The following CHRNA3 variants were observed in gnomAD, a reference collection of about 807,000 sequenced individuals.
CHRNA3 encodes the protein cholinergic receptor nicotinic alpha 3 subunit, also known as neuronal acetylcholine receptor subunit alpha-3.
CHRNA3 carries 34 observed loss-of-function variants against 41.9 expected under a neutral mutation model. The ratio of observed to expected loss-of-function variants is 0.81; its 90% CI spans 0.62 to 1.08. CHRNA3 has a LOEUF of 1.08. Ranked by LOEUF, CHRNA3 falls within the 50% of genes least tolerant of loss-of-function variation. The probability of loss-of-function intolerance (pLI) is 0.00; values close to 1 mark genes in which losing one functional copy is unlikely to be tolerated. For missense variants in CHRNA3, 542 were observed against 638.3 expected (o/e 0.85, Z 1.63); for synonymous variants, 281 against 265.2 (o/e 1.06, Z -0.58).
rs183884499 is a variant in CHRNA3, at chr15:78,613,807, G to A, written c.377+3217C>T. Among the ~76,000 whole-genome samples the A allele has an allele frequency of 3.6e-3, 552 of 151,236 alleles. 4 individuals carry two copies. The highest frequency in any genetic ancestry group is 0.012 in the African/African-American group (497 of 41,240). On this transcript the variant is annotated intron_variant, in intron 4 of 5. Coordinates refer to ENST00000326828, the MANE Select transcript of CHRNA3 (RefSeq NM_000743.5). ...AAAACCACAAAAAAATTAGCCAGGC[G>A]TGGTGGCGGGCGCCTGTAGTCCCAG...
downstream of CHRNA3, chr15:78,595,239 T>TATG: frequency 1.0e-6 from 1 of 959,108 alleles, no homozygotes. Context: ...TACTGTTACT[T>TATG]ATGATTTTTA....
Position 78,595,369 on chromosome 15 carries a change from C to CTCTA in CHRNA3, c.*1234_*1235insTAGA. 1.0e-6 allele frequency: 1 copy of CTCTA among 977,546 alleles called. No homozygotes were observed. Among genetic ancestry groups the CTCTA allele is most frequent in the Non-Finnish European group, 1.2e-6 (1 of 828,636 alleles). The allele number at this position is 977,546 out of a possible 1,614,324, so 60.6% of individuals were successfully genotyped here. A position where few individuals can be genotyped will look rare whatever the true frequency, so the allele number is the denominator to read the frequency against. On this transcript the variant is annotated 3_prime_UTR_variant, in exon 6 of 6. Transcript: ENST00000326828. ...ACTAGTGAGACAAGATTCAAACAGT[C>CTCTA]TCTGTGAATCATCTGTCAGTGGTGA...
intron 3 of CHRNA3, 97 bp from the exon 4 acceptor site, chr15:78,617,230 T>C: frequency 1.4e-6 from 1 of 727,304 alleles, no homozygotes; most frequent in Non-Finnish European, 2.4e-6. Context: ...TCCCCACCCC[T>C]GCTGCATGTG....
At chr15:78,614,264 T>C (rs866373575) in intron 4 of CHRNA3, among the ~76,000 whole-genome samples, 5 of 152,212 alleles carry the variant, frequency 3.3e-5, no homozygotes, top group South Asian at 2.1e-4. Context: ...TTCTTAATTG[T>C]AGCTTAGCAA....
At chr15:78,617,260 A>C in intron 3 of CHRNA3, 127 bp from the exon 4 acceptor site, 2 of 644,732 alleles carry the variant, frequency 3.1e-6, no homozygotes, top group East Asian at 5.4e-5. Context: ...CATCCATGCC[A>C]TGATCACATA....
intron 5 of CHRNA3, 116 bp from the exon 6 acceptor site, chr15:78,596,848 G>C: frequency 7.2e-7 from 1 of 1,397,686 alleles, no homozygotes; most frequent in Non-Finnish European, 9.3e-7. Context: ...TCTCTAATAT[G>C]TAAGAAGCCC....
chr15:78,603,038 T>C (rs1198332514), intron 4 of CHRNA3, among the ~76,000 whole-genome samples: 1 of 152,210 alleles, frequency 6.6e-6, no homozygotes, highest in Non-Finnish European at 1.5e-5. Context: ...TTTTTCTTTT[T>C]CTTTGAGACA....
At chr15:78,610,406 T>G (rs1033399068) in intron 4 of CHRNA3, among the ~76,000 whole-genome samples, 3 of 152,054 alleles carry the variant, frequency 2.0e-5, no homozygotes, top group Non-Finnish European at 2.9e-5. Context: ...AAACTAGAAC[T>G]CAGGATTAAG....
chr15:78,615,991 C>T (rs1301373042), intron 4 of CHRNA3, among the ~76,000 whole-genome samples: 1 of 150,914 alleles, frequency 6.6e-6, no homozygotes, highest in Non-Finnish European at 1.5e-5. Context: ...ATCCTCCTGC[C>T]TCGGCCTCCC....
chr15:78,619,120 C>T (rs1403124205), intron 1 of CHRNA3: 4 of 609,522 alleles, frequency 6.6e-6, no homozygotes, highest in Admixed American at 3.0e-5. Context: ...CCTGGCCACA[C>T]GCATTCAGTG....
rs138321166 is a variant in CHRNA3 at position 78,604,784 on chromosome 15, G to A, written c.378-2520C>T. 9.0e-3 allele frequency among the ~76,000 whole-genome samples: 1,363 copies of A among 152,166 alleles called. 22 individuals are homozygous for A. Among genetic ancestry groups the A allele is most frequent in the African/African-American group, 0.031 (1,280 of 41,524 alleles). Reference sequence around the variant, plus strand: ...TACTAATACTTTGGGAGGCTGAGGCGGGCAGATCACCTGAGGTCAGCAGTT... The same window carrying A: ...TACTAATACTTTGGGAGGCTGAGGCAGGCAGATCACCTGAGGTCAGCAGTT... On this transcript the variant is annotated intron_variant, in intron 4 of 5. Coordinates refer to ENST00000326828, the MANE Select transcript of CHRNA3 (RefSeq NM_000743.5).
chr15:78,601,892 G>GA lies in CHRNA3; in HGVS notation c.749dup (p.Cys252LeufsTer20), dbSNP rs1226938545. The GA allele has an allele frequency of 6.2e-7, 1 of 1,614,136 alleles. No individual in the cohort carries two copies. The stretch of plus-strand genomic sequence containing the variant: ...TGAGGAAGGAGATGAGCAGGCAGGG[G>GA]ATGATGAGGTTGATGGTGTAGAACA... On this transcript the variant is annotated frameshift_variant, in exon 5 of 6. Transcript: ENST00000326828. LOFTEE classifies it high-confidence loss of function.
chr15:78,593,445 G>T, downstream of CHRNA3: 1 of 453,440 alleles, frequency 2.2e-6, no homozygotes, highest in Non-Finnish European at 3.7e-6. Context: ...TAACTGATGA[G>T]ATACATTTGA....
intron 5 of CHRNA3, among the ~76,000 whole-genome samples, chr15:78,598,495 A>T (rs146952474): frequency 3.2e-4 from 49 of 152,090 alleles, no homozygotes; most frequent in African/African-American, 1.0e-3. Context: ...CCCGGGCTCA[A>T]GTAATCTTCC....
In CHRNA3 at chr15:78,596,460, C is replaced by A; in HGVS notation, c.*144G>T. Reference sequence around the variant, plus strand: ...TTGACATTTTTTTTTTTGCATGATTCCAAGATAAGTGGAAAATAAGTAAAC... The same window carrying A: ...TTGACATTTTTTTTTTTGCATGATTACAAGATAAGTGGAAAATAAGTAAAC... On this transcript the variant is annotated 3_prime_UTR_variant, in exon 6 of 6. Transcript: ENST00000326828. 7.7e-7 allele frequency: 1 copy of A among 1,295,042 alleles called. No homozygotes were observed. The highest frequency in any genetic ancestry group is 9.8e-7 in the Non-Finnish European group (1 of 1,022,672). The allele number at this position is 1,295,042 out of a possible 1,614,324, so 80.2% of individuals were successfully genotyped here.
At chr15:78,618,448 G>A in intron 3 of CHRNA3, 169 bp downstream of exon 3, 1 of 705,166 alleles carries the variant, frequency 1.4e-6, no homozygotes, top group Non-Finnish European at 2.4e-6. Flanking sequence ...CTGTAGGGCA[G>A]TGCATGTGAC....
chr15:78,613,594 T>G (rs919149961), intron 4 of CHRNA3, among the ~76,000 whole-genome samples: 5 of 142,210 alleles, frequency 3.5e-5, no homozygotes, highest in South Asian at 2.4e-4. Flanking sequence ...GGGGGAGAGA[T>G]AGCATTAGGA....
At chr15:78,607,921 A>G (rs1481155567) in intron 4 of CHRNA3, among the ~76,000 whole-genome samples, 1 of 151,960 alleles carries the variant, frequency 6.6e-6, no homozygotes, top group Non-Finnish European at 1.5e-5. Context: ...AGGAGATTAC[A>G]TCCTGCACCT....
At chr15:78,600,174 C>T (rs1230424307) in intron 5 of CHRNA3, among the ~76,000 whole-genome samples, 1 of 152,058 alleles carries the variant, frequency 6.6e-6, no homozygotes, top group Non-Finnish European at 1.5e-5. Flanking sequence ...TCCTGAGCTC[C>T]AGTGATCCTC....
Sources: gnomAD v4.1 joint callset for allele counts (sites outside exome capture counted in the v4.1 genomes callset) on GRCh38, gnomAD v4.1.1 for gene constraint, MANE v1.5 for transcripts, NCBI Gene and HGNC (gene_info 2026-07-23, HGNC 2026-07-21) for gene names.